The following KIF13B variants were observed in gnomAD, a reference collection of about 807,000 sequenced individuals.
The protein encoded by KIF13B is kinesin family member 13B.
KIF13B carries 127 observed loss-of-function variants against 222.0 expected under a neutral mutation model. The ratio of observed to expected loss-of-function variants is 0.57; its 90% CI spans 0.50 to 0.66. The LOEUF is 0.66. Among genes scored for constraint, KIF13B ranks in the 30% least tolerant of loss-of-function variants. The pLI, the probability that KIF13B is intolerant of heterozygous loss-of-function variation, is 0.00. For synonymous variants in KIF13B, 976 were observed against 919.0 expected (o/e 1.06, Z -1.12); for missense variants, 2,173 against 2,379.0 (o/e 0.91, Z 1.80).
chr8:29,256,943 C>T (rs1305274204), intron 1 of KIF13B, among the ~76,000 whole-genome samples: 1 of 152,052 alleles, frequency 6.6e-6, no homozygotes, highest in Non-Finnish European at 1.5e-5. Context: ...TTAGTAGAGA[C>T]AGGGTTTCAC....
At chr8:29,115,728 C>T (rs1160194588) in intron 31 of KIF13B, among the ~76,000 whole-genome samples, 2 of 152,200 alleles carry the variant, frequency 1.3e-5, no homozygotes, top group Admixed American at 1.3e-4. Context: ...TTGGCACAGG[C>T]AGGACCCCCA....
intron 2 of KIF13B, among the ~76,000 whole-genome samples, chr8:29,212,182 T>C (rs929002345): frequency 6.6e-6 from 1 of 152,238 alleles, no homozygotes; most frequent in Non-Finnish European, 1.5e-5. Context: ...TTTTTATTTA[T>C]CCTGAATAGA....
chr8:29,117,481 C>T (rs1244761428), intron 30 of KIF13B, among the ~76,000 whole-genome samples: 1 of 152,118 alleles, frequency 6.6e-6, no homozygotes, highest in African/African-American at 2.4e-5. Flanking sequence ...TTTTCAATTT[C>T]CCCATCCCGG....
chr8:29,129,670 G>A (rs1341237580), intron 24 of KIF13B, among the ~76,000 whole-genome samples: 1 of 151,698 alleles, frequency 6.6e-6, no homozygotes, highest in Non-Finnish European at 1.5e-5. Context: ...TCCAAATCCT[G>A]TATACAAATT....
chr8:29,127,689 A>C (rs886596167), intron 24 of KIF13B, among the ~76,000 whole-genome samples: 11 of 152,238 alleles, frequency 7.2e-5, no homozygotes, highest in African/African-American at 2.7e-4. Context: ...ACAATTTCAT[A>C]CACTGTAAGT....
chr8:29,228,472 A>AATATATATATATAT (rs1491523107), intron 2 of KIF13B, among the ~76,000 whole-genome samples: 2,436 of 117,018 alleles, frequency 0.021, 108 homozygotes, highest in Non-Finnish European at 0.031. Flanking sequence ...ATCTTAAAAA[A>AATATATATATATAT]ATATATATAT....
intron 2 of KIF13B, among the ~76,000 whole-genome samples, chr8:29,221,704 T>C (rs1429776515): frequency 1.3e-5 from 2 of 152,190 alleles, no homozygotes; most frequent in East Asian, 1.9e-4. Flanking sequence ...TTGTGAAGCC[T>C]TGTAACTGCT....
At chr8:29,204,725 C>T (rs1385363019) in intron 2 of KIF13B, among the ~76,000 whole-genome samples, 5 of 151,980 alleles carry the variant, frequency 3.3e-5, no homozygotes, top group African/African-American at 9.7e-5. Context: ...GAATACATTA[C>T]TGAGCTGAGG....
At chr8:29,095,494 C>T (rs973477134) in intron 36 of KIF13B, among the ~76,000 whole-genome samples, 3 of 152,320 alleles carry the variant, frequency 2.0e-5, no homozygotes, top group Non-Finnish European at 2.9e-5. Flanking sequence ...AGGCTGGGTG[C>T]GGTGGCTCAC....
In KIF13B at chr8:29,110,081, G is replaced by T; in HGVS notation, c.3931-11C>A. The T allele has an allele frequency of 6.4e-7, 1 of 1,552,426 alleles. No individual in the cohort carries two copies. The highest frequency in any genetic ancestry group is 1.2e-5 in the South Asian group (1 of 84,138). On this transcript the variant is annotated splice_polypyrimidine_tract_variant and intron_variant, in intron 32 of 39. Transcript: ENST00000524189. ...CACTCCCTGGGCATCCTGAGCAGTG[G>T]AAAGTTATACATTATAAAAGCTTCT...
intron 24 of KIF13B, 86 bp downstream of exon 24, chr8:29,130,444 CATT>C: frequency 7.5e-7 from 1 of 1,341,582 alleles, no homozygotes; most frequent in Admixed American, 1.8e-5. Context: ...GTCTAGATTT[CATT>C]ATTGCCAACA....
chr8:29,099,567 G>A (rs1023230382), intron 35 of KIF13B, among the ~76,000 whole-genome samples: 2 of 151,984 alleles, frequency 1.3e-5, no homozygotes, highest in Non-Finnish European at 2.9e-5. Flanking sequence ...TGTAGAGACG[G>A]GATGTCACTA....
intron 37 of KIF13B, among the ~76,000 whole-genome samples, chr8:29,087,549 C>CA (rs1808097939): frequency 6.6e-6 from 1 of 152,136 alleles, no homozygotes; most frequent in South Asian, 2.1e-4. Flanking sequence ...TATCAACAGA[C>CA]AAAAAACCTG....
At chr8:29,081,628 T>C (rs1807814092) in intron 37 of KIF13B, among the ~76,000 whole-genome samples, 1 of 152,216 alleles carries the variant, frequency 6.6e-6, no homozygotes, top group East Asian at 1.9e-4. Context: ...ATACTACAGT[T>C]GATATGACAG....
intron 18 of KIF13B, among the ~76,000 whole-genome samples, chr8:29,142,578 G>A (rs1810865694): frequency 6.6e-6 from 1 of 152,030 alleles, no homozygotes; most frequent in South Asian, 2.1e-4. Flanking sequence ...GGTGGTTCAC[G>A]CCTGTAATCC....
At chr8:29,112,455 G>C (rs1393868931) in intron 32 of KIF13B, among the ~76,000 whole-genome samples, 1 of 146,596 alleles carries the variant, frequency 6.8e-6, no homozygotes, top group Non-Finnish European at 1.5e-5. Flanking sequence ...AAAAAAAGCT[G>C]ATTTCTGTAT....
At chr8:29,238,259 T>C (rs1421277256) in intron 2 of KIF13B, among the ~76,000 whole-genome samples, 1 of 152,242 alleles carries the variant, frequency 6.6e-6, no homozygotes, top group Non-Finnish European at 1.5e-5. Flanking sequence ...AATGACTTCA[T>C]GTATGCCATA....
intron 5 of KIF13B, among the ~76,000 whole-genome samples, chr8:29,188,065 C>T (rs1277753731): frequency 6.6e-6 from 1 of 152,204 alleles, no homozygotes; most frequent in Admixed American, 6.5e-5. Flanking sequence ...AAGCTGTATA[C>T]TTTACTCTTA....
chr8:29,109,000 ACC>A (rs1809228184), intron 34 of KIF13B, among the ~76,000 whole-genome samples: 1 of 152,158 alleles, frequency 6.6e-6, no homozygotes, highest in African/African-American at 2.4e-5. Context: ...TTATGAAACA[ACC>A]CCATGTATCT....
Sources: gnomAD v4.1 joint callset for allele counts (sites outside exome capture counted in the v4.1 genomes callset) on GRCh38, gnomAD v4.1.1 for gene constraint, MANE v1.5 for transcripts, NCBI Gene and HGNC (gene_info 2026-07-23, HGNC 2026-07-21) for gene names.